Variants in EAPP observed in about 807,000 individuals in gnomAD.
The protein encoded by EAPP is E2F-associated phosphoprotein.
A neutral mutation model predicts 34.3 loss-of-function variants in EAPP; 38 were observed. The ratio of observed to expected loss-of-function variants is 1.11; its 90% CI spans 0.85 to 1.45. The LOEUF is 1.45. Ranked by LOEUF, EAPP falls within the 40% of genes most tolerant of loss-of-function variation. The probability of loss-of-function intolerance (pLI) is 0.00; values close to 1 mark genes in which losing one functional copy is unlikely to be tolerated. For missense variants in EAPP, 338 were observed against 343.7 expected (o/e 0.98, Z 0.13); for synonymous variants, 113 against 117.6 (o/e 0.96, Z 0.25).
chr14:34,523,307 G>T lies in EAPP; in HGVS notation c.581+1390C>A, dbSNP rs181789457. Among the ~76,000 whole-genome samples, 3 of 146,956 alleles carry T rather than the reference G, an allele frequency of 2.0e-5. No individual in the cohort carries two copies. The South Asian group carries it at 6.5e-4, about 32-fold the overall frequency. On this transcript the variant is annotated intron_variant, in intron 5 of 5. Transcript: ENST00000250454. The stretch of plus-strand genomic sequence containing the variant: ...GGCTGGAGTGCAGCGGCGTGACCTC[G>T]GCTCACTGTAAGCTCCGCCTCCTGG...
At chr14:34,533,377 C>A in intron 3 of EAPP, 67 bp downstream of exon 3, 1 of 1,295,482 alleles carries the variant, frequency 7.7e-7, no homozygotes. Flanking sequence ...ATCCTAACAT[C>A]TAATAATTGT....
chr14:34,539,610 C>G lies in EAPP; in HGVS notation c.19G>C (p.Asp7His), dbSNP rs1880596905. Residue 7 changes from aspartate to histidine, a missense_variant, in exon 1 of 6, where the codon GAC becomes CAC. Physicochemically the swap from Asp to His is moderately conservative, Grantham distance 81. Transcript: ENST00000250454. MNRLPD[D>H]YDPYAVEEPS... Reference sequence around the variant, plus strand: ...TCTTCAACCGCGTAGGGGTCGTAGTCATCCGGAAGCCGGTTCATGGTGGCC... The same window carrying G: ...TCTTCAACCGCGTAGGGGTCGTAGTGATCCGGAAGCCGGTTCATGGTGGCC... 2 of 1,579,166 alleles carry G rather than the reference C, an allele frequency of 1.3e-6. No individual in the cohort carries two copies. The highest frequency in any genetic ancestry group is 2.2e-5 in the South Asian group (2 of 89,016).
intron 4 of EAPP, among the ~76,000 whole-genome samples, chr14:34,526,625 C>T (rs1319618977): frequency 9.2e-5 from 14 of 151,552 alleles, no homozygotes; most frequent in Non-Finnish European, 7.4e-5. Context: ...GTGGCTCACA[C>T]CTTTAATCCC....
chr14:34,536,753 G>A (rs537355936), intron 1 of EAPP, among the ~76,000 whole-genome samples: 243 of 151,410 alleles, frequency 1.6e-3, no homozygotes, highest in Non-Finnish European at 2.7e-3. Flanking sequence ...CGCTCTTGTC[G>A]CCCAGGCTGT....
intron 3 of EAPP, among the ~76,000 whole-genome samples, chr14:34,532,087 A>G (rs1223988195): frequency 4.0e-5 from 6 of 151,642 alleles, no homozygotes; most frequent in East Asian, 3.9e-4. Flanking sequence ...AAAAAAAAAA[A>G]AAAGAAAGAA....
intron 3 of EAPP, among the ~76,000 whole-genome samples, chr14:34,530,581 A>G (rs1231690381): frequency 1.3e-5 from 2 of 152,038 alleles, no homozygotes; most frequent in East Asian, 3.8e-4. Context: ...TCTCCAACTA[A>G]TAAGGCATTA....
In EAPP at chr14:34,516,262, T is replaced by C. The variant is rs1233194372; in HGVS notation, c.*48A>G. On this transcript the variant is annotated 3_prime_UTR_variant, in exon 6 of 6. Coordinates refer to ENST00000250454, the MANE Select transcript of EAPP (RefSeq NM_018453.4). ...CAGGCAAGAGGAAAGTAACTGTCCA[T>C]ATTTGCCTTATATACAGTATTGGGT... is the stretch of plus-strand genomic sequence containing the variant. 3 of 1,521,996 alleles carry C rather than the reference T, an allele frequency of 2.0e-6. No homozygotes were observed. The highest frequency in any genetic ancestry group is 2.8e-5 in the African/African-American group (2 of 72,264). 94.3% of individuals were successfully genotyped at this position (1,521,996 alleles called of 1,614,324 possible).
intron 3 of EAPP, among the ~76,000 whole-genome samples, chr14:34,530,003 C>T (rs879649777): frequency 2.0e-5 from 3 of 149,798 alleles, no homozygotes; most frequent in African/African-American, 4.9e-5. Context: ...GTGATGAGAG[C>T]GAGACTCCGT....
intron 5 of EAPP, among the ~76,000 whole-genome samples, chr14:34,523,075 G>GT (rs1296332376): frequency 6.6e-6 from 1 of 151,736 alleles, no homozygotes; most frequent in African/African-American, 2.4e-5. Flanking sequence ...TCTGCTTTAA[G>GT]TTTTTTTTAC....
At chr14:34,539,148 T>C (rs930931319) in intron 1 of EAPP, 3 of 327,818 alleles carry the variant, frequency 9.2e-6, no homozygotes, top group African/African-American at 6.4e-5. Context: ...CATTAAGTCC[T>C]GTGAGCCTCA....
intron 4 of EAPP, among the ~76,000 whole-genome samples, chr14:34,527,168 C>CA (rs35039984): frequency 0.43 from 45,551 of 106,730 alleles, 10,558 homozygotes; most frequent in East Asian, 0.68. Flanking sequence ...AACTCCGTCT[C>CA]AAAAAAAAAA....
intron 2 of EAPP, 43 bp downstream of exon 2, chr14:34,536,051 C>T (rs535088063): frequency 6.7e-7 from 1 of 1,484,554 alleles, no homozygotes; most frequent in Non-Finnish European, 9.2e-7. Context: ...CCTGCCCTTA[C>T]AGAGCTTACA....
In EAPP at chr14:34,538,706, C is replaced by T. The variant is rs187958836; in HGVS notation, c.74+849G>A. ...TCCTGGGATTACAGGCATGGGCCACCACACCCAGCCAAAGTTGTTAATGAA... is the reference window on the plus strand; with the variant it reads ...TCCTGGGATTACAGGCATGGGCCACTACACCCAGCCAAAGTTGTTAATGAA... On this transcript the variant is annotated intron_variant, in intron 1 of 5. Transcript: ENST00000250454. Among the ~76,000 whole-genome samples, 325 of 152,254 alleles carry T rather than the reference C, an allele frequency of 2.1e-3. 3 individuals carry two copies. The highest frequency in any genetic ancestry group is 0.012 in the East Asian group (63 of 5,178).
intron 1 of EAPP, among the ~76,000 whole-genome samples, chr14:34,538,921 G>A (rs959353432): frequency 2.0e-5 from 3 of 152,080 alleles, no homozygotes; most frequent in Non-Finnish European, 4.4e-5. Context: ...GCCTATCTCA[G>A]GTCAATATTC....
intron 2 of EAPP, among the ~76,000 whole-genome samples, chr14:34,535,532 A>G (rs1880442096): frequency 6.8e-6 from 1 of 148,102 alleles, no homozygotes. Flanking sequence ...TCCTGGGTTC[A>G]TGCCATTCTC....
intron 2 of EAPP, 169 bp downstream of exon 2, chr14:34,535,925 A>G: frequency 1.9e-6 from 1 of 533,084 alleles, no homozygotes; most frequent in Non-Finnish European, 3.2e-6. Flanking sequence ...ACTTTTTTAA[A>G]TGAGAAAAGG....
chr14:34,531,338 C>T (rs1418974087), intron 3 of EAPP, among the ~76,000 whole-genome samples: 1 of 151,732 alleles, frequency 6.6e-6, no homozygotes, highest in Non-Finnish European at 1.5e-5. Context: ...CGCGGTGGCT[C>T]ATGCCTGTAA....
intron 3 of EAPP, among the ~76,000 whole-genome samples, chr14:34,532,970 C>A (rs535173083): frequency 6.6e-6 from 1 of 152,054 alleles, no homozygotes; most frequent in East Asian, 1.9e-4. Flanking sequence ...AGCCACCATG[C>A]CCAGCCCCCA....
In EAPP at chr14:34,539,670, G is replaced by C. The variant is rs374129480; in HGVS notation, c.-42C>G. The C allele has an allele frequency of 1.1e-5, 16 of 1,507,730 alleles. No individual in the cohort carries two copies. The highest frequency in any genetic ancestry group is 1.4e-5 in the Non-Finnish European group (16 of 1,129,742). The allele number at this position is 1,507,730 out of a possible 1,614,324, so 93.4% of individuals were successfully genotyped here. On this transcript the variant is annotated 5_prime_UTR_variant, in exon 1 of 6. Transcript: ENST00000250454. ...CTACACCGTCCACAAGCAATTTGCA[G>C]CGTCTCTGTTTACACTGCAAGTCCA...
Sources: allele counts gnomAD v4.1 joint callset (sites outside exome capture counted in the v4.1 genomes callset), GRCh38; gene constraint gnomAD v4.1.1; transcripts MANE v1.5; gene names NCBI Gene and HGNC (gene_info 2026-07-23, HGNC 2026-07-21).